Variants in HIPK2 observed in about 807,000 individuals in gnomAD.
HIPK2 encodes the protein homeodomain interacting protein kinase 2.
A neutral mutation model predicts 113.7 loss-of-function variants in HIPK2; 27 were observed. That is an observed-to-expected ratio of 0.24 (90% confidence interval 0.17 to 0.33). The LOEUF (loss-of-function observed/expected upper bound fraction) is 0.33, where lower values mean the gene tolerates loss of function less well. HIPK2 is among the 10% of genes least tolerant of loss of function. The pLI is 1.00. For missense variants in HIPK2, 1,257 were observed against 1,588.0 expected (o/e 0.79, Z 3.54); for synonymous variants, 631 against 642.2 (o/e 0.98, Z 0.26).
At chr7:139,685,345 T>A (rs1288284627) in intron 2 of HIPK2, among the ~76,000 whole-genome samples, 1 of 152,132 alleles carries the variant, frequency 6.6e-6, no homozygotes, top group Non-Finnish European at 1.5e-5. Flanking sequence ...TAATTTTTTG[T>A]ACAGACAAGG....
At chr7:139,664,839 CT>C (rs1257150614) in intron 2 of HIPK2, among the ~76,000 whole-genome samples, 1 of 152,194 alleles carries the variant, frequency 6.6e-6, no homozygotes, top group African/African-American at 2.4e-5. Context: ...ATCTCTGCTA[CT>C]AACTGCTCCC....
chr7:139,722,708 C>A (rs962653918), intron 1 of HIPK2, among the ~76,000 whole-genome samples: 1 of 151,586 alleles, frequency 6.6e-6, no homozygotes, highest in African/African-American at 2.4e-5. Flanking sequence ...GTATGCTTAC[C>A]CTGTTAGGCC....
At position 139,716,759 on chromosome 7, in the gene HIPK2, G is replaced by A; in HGVS notation, c.276C>T (p.His92=). 1.2e-6 allele frequency: 2 copies of A among 1,613,982 alleles called. No individual in the cohort carries two copies. Among genetic ancestry groups the A allele is most frequent in the Non-Finnish European group, 1.7e-6 (2 of 1,179,894 alleles). The change falls in exon 2 of 15, where the codon CAC becomes CAT. Residue 92 remains histidine (H), a synonymous_variant. Coordinates refer to ENST00000406875, the MANE Select transcript of HIPK2 (RefSeq NM_022740.5). The surrounding 1 kb of genome is among the most constrained non-coding windows in gnomAD (Gnocchi z 9.3). ...QTIVFPGSTG[H]IVVTSASSTS... is the part of the protein sequence containing the mutation. ...TGCTGCTTGCTGAGGTGACCACGAT[G>A]TGCCCGGTGCTTCCTGGGAAGACGA...
In HIPK2 at chr7:139,600,588, T is replaced by A. The variant is rs773868543; in HGVS notation, c.2264A>T (p.His755Leu). The A allele has an allele frequency of 6.2e-7, 1 of 1,613,836 alleles. No individual in the cohort carries two copies. The highest frequency in any genetic ancestry group is 8.5e-7 in the Non-Finnish European group (1 of 1,179,760). ...GGGATTATAATGGCTTCCGTGAGCA[T>A]GCGTATTTCTGAAAGGCAACCGGGA... ...TQQLADWRNTHAHGSHYNPIM... is the reference protein window; with the variant it reads ...TQQLADWRNTLAHGSHYNPIM... The change falls in exon 11 of 15, where the codon CAT (histidine) becomes CTT (leucine). Residue 755 changes from histidine to leucine, a missense_variant. Physicochemically the swap from His to Leu is moderately conservative, Grantham distance 99. Around this residue, in one of 5 missense-constraint regions of HIPK2, gnomAD observed 862 missense variants for 1,004.3 expected, o/e 0.86. Coordinates refer to ENST00000406875, the MANE Select transcript of HIPK2 (RefSeq NM_022740.5).
At chr7:139,633,938 C>A (rs977081752) in intron 2 of HIPK2, among the ~76,000 whole-genome samples, 20 of 144,660 alleles carry the variant, frequency 1.4e-4, no homozygotes, top group Non-Finnish European at 2.2e-4. Context: ...GAGTAAGAGT[C>A]CGTCGCAAAA....
chr7:139,661,332 G>A (rs1801861217), intron 2 of HIPK2, among the ~76,000 whole-genome samples: 1 of 152,142 alleles, frequency 6.6e-6, no homozygotes. Flanking sequence ...CTCTCCACTG[G>A]TGAGCTGCTC....
rs1799384976 is a variant in HIPK2, at chr7:139,600,491, C to T, written c.2361G>A (p.Val787=). The T allele has an allele frequency of 6.2e-7, 1 of 1,614,042 alleles. No individual in the cohort carries two copies. Among genetic ancestry groups the T allele is most frequent in the Non-Finnish European group, 8.5e-7 (1 of 1,179,896 alleles). ...LPAAQPLNVG[V]AHVMRQQPTS... ...TTGGCTGCTGCCGCATCACGTGGGC[C>T]ACACCCACATTTAAGGGCTGTGCTG... Residue 787 remains valine, a synonymous_variant, in exon 11 of 15, where the codon GTG becomes GTA. Coordinates refer to ENST00000406875, the MANE Select transcript of HIPK2 (RefSeq NM_022740.5).
chr7:139,587,581 G>T (rs953757179), intron 12 of HIPK2, among the ~76,000 whole-genome samples: 1 of 151,962 alleles, frequency 6.6e-6, no homozygotes, highest in Non-Finnish European at 1.5e-5. Flanking sequence ...ACACCCAGAG[G>T]GTGGGAGGGC....
intron 1 of HIPK2, among the ~76,000 whole-genome samples, chr7:139,718,258 A>G (rs986353841): frequency 2.6e-5 from 4 of 152,226 alleles, no homozygotes; most frequent in African/African-American, 7.2e-5. Context: ...AGCCACTATC[A>G]ACAAACATTT....
chr7:139,601,238 G>A, intron 10 of HIPK2, among the ~76,000 whole-genome samples: 2 of 142,092 alleles, frequency 1.4e-5, no homozygotes, highest in Non-Finnish European at 3.0e-5. Flanking sequence ...GCGAGACACT[G>A]TCTCAAAAAA....
At chr7:139,676,136 T>C (rs926321808) in intron 2 of HIPK2, among the ~76,000 whole-genome samples, 13 of 152,316 alleles carry the variant, frequency 8.5e-5, no homozygotes, top group African/African-American at 3.1e-4. Flanking sequence ...AAGAAACAAA[T>C]ACTAAGTCTT....
intron 10 of HIPK2, among the ~76,000 whole-genome samples, chr7:139,602,414 A>G (rs557770955): frequency 1.3e-5 from 2 of 152,332 alleles, no homozygotes; most frequent in South Asian, 2.1e-4. Context: ...AGAGACCAGG[A>G]AGAGAGTATG....
chr7:139,632,066 G>C (rs1800636842), intron 2 of HIPK2, among the ~76,000 whole-genome samples: 1 of 152,240 alleles, frequency 6.6e-6, no homozygotes, highest in Admixed American at 6.5e-5. Flanking sequence ...ATCTTTTGTA[G>C]CTGAAAGTCT....
intron 2 of HIPK2, among the ~76,000 whole-genome samples, chr7:139,646,707 A>G (rs1411374882): frequency 6.6e-6 from 1 of 152,292 alleles, no homozygotes; most frequent in East Asian, 1.9e-4. Flanking sequence ...GTGAGCCCCA[A>G]ACACTACTCC....
rs376489732 is a variant in HIPK2 at position 139,614,384 on chromosome 7, G to A, written c.1892C>T (p.Ala631Val). 1.3e-5 allele frequency: 20 copies of A among 1,581,240 alleles called. No homozygotes were observed. The highest frequency in any genetic ancestry group is 1.6e-5 in the Non-Finnish European group (19 of 1,159,180). Reference sequence around the variant, plus strand: ...TGTCTGCAGGGGCATGCTCCGCTGGGCCACTGCAGCCATGGATGCCGCTGA... The same window carrying A: ...TGTCTGCAGGGGCATGCTCCGCTGGACCACTGCAGCCATGGATGCCGCTGA... ...QPSAASMAAV[A>V]QRSMPLQTGT... Residue 631 changes from alanine (A) to valine (V), a missense_variant, in exon 8 of 15, where the codon GCC becomes GTC. By Grantham distance (64) the Ala-to-Val change is moderately conservative. This residue lies in a region of HIPK2 where 862 missense variants were observed against 1,004.3 expected (regional missense o/e 0.86). Coordinates refer to ENST00000406875, the MANE Select transcript of HIPK2 (RefSeq NM_022740.5).
intron 2 of HIPK2, among the ~76,000 whole-genome samples, chr7:139,703,991 C>T (rs1794799655): frequency 7.4e-6 from 1 of 135,826 alleles, no homozygotes; most frequent in Admixed American, 7.7e-5. Flanking sequence ...CCACACCCAA[C>T]ACACACCACA....
chr7:139,625,203 A>G (rs1569457413), intron 6 of HIPK2, among the ~76,000 whole-genome samples: 1 of 151,668 alleles, frequency 6.6e-6, no homozygotes, highest in Non-Finnish European at 1.5e-5. Flanking sequence ...TCACCCCTCT[A>G]TTTCTTCTCT....
rs1284947091 is a variant in HIPK2, at chr7:139,565,737, A to C, written c.*7190T>G. 1 of 149,004 alleles carries C rather than the reference A, an allele frequency of 6.7e-6. No homozygotes were observed. Among genetic ancestry groups the C allele is most frequent in the African/African-American group, 2.5e-5 (1 of 40,418 alleles). The allele number at this position is 149,004 out of a possible 1,614,324, so 9.2% of individuals were successfully genotyped here. On this transcript the variant is annotated 3_prime_UTR_variant, in exon 15 of 15. Coordinates refer to ENST00000406875, the MANE Select transcript of HIPK2 (RefSeq NM_022740.5). ...TTTTCTTTTTTTTTTCTTTTTTTTA[A>C]CAGAAAGAAAAAAGTTCCTGGACAC... is the stretch of plus-strand genomic sequence containing the variant.
intron 2 of HIPK2, among the ~76,000 whole-genome samples, chr7:139,654,918 G>A (rs983530063): frequency 6.6e-6 from 1 of 152,154 alleles, no homozygotes; most frequent in Non-Finnish European, 1.5e-5. Context: ...GGATTCCTGC[G>A]AGTGGGAGGT....
Sources: gnomAD v4.1 joint callset for allele counts (sites outside exome capture counted in the v4.1 genomes callset) on GRCh38, gnomAD v4.1.1 for gene constraint, gnomAD v4.1.1 regional missense constraint, Gnocchi (gnomAD v3.1) non-coding constraint, MANE v1.5 for transcripts, NCBI Gene and HGNC (gene_info 2026-07-23, HGNC 2026-07-21) for gene names.